The following CTNNA3 variants were observed in gnomAD, a reference collection of about 807,000 sequenced individuals.
The protein encoded by CTNNA3 is catenin alpha-3.
A neutral mutation model predicts 95.7 loss-of-function variants in CTNNA3; 76 were observed. The ratio of observed to expected loss-of-function variants is 0.79; its 90% CI spans 0.66 to 0.96. The LOEUF (loss-of-function observed/expected upper bound fraction) is 0.96. Ranked by LOEUF, CTNNA3 falls within the 40% of genes least tolerant of loss-of-function variation. The probability of loss-of-function intolerance (pLI) is 0.00; values close to 1 mark genes in which losing one functional copy is unlikely to be tolerated. For synonymous variants in CTNNA3, 431 were observed against 374.4 expected (o/e 1.15, Z -1.74); for missense variants, 1,191 against 1,089.8 (o/e 1.09, Z -1.31).
intron 7 of CTNNA3, among the ~76,000 whole-genome samples, chr10:66,974,683 C>G (rs559760820): frequency 6.6e-6 from 1 of 152,032 alleles, no homozygotes; most frequent in South Asian, 2.1e-4. Context: ...TAATATGTGA[C>G]TTTTTGTTTT....
chr10:67,180,671 T>C, intron 6 of CTNNA3, 151 bp from the exon 7 acceptor site: 1 of 629,316 alleles, frequency 1.6e-6, no homozygotes. Flanking sequence ...CATAATGCTA[T>C]GTAGTGATTA....
intron 3 of CTNNA3, among the ~76,000 whole-genome samples, chr10:67,569,722 TA>T (rs1157595627): frequency 1.3e-5 from 2 of 152,168 alleles, no homozygotes; most frequent in Non-Finnish European, 2.9e-5. Context: ...AAGAGTGCAT[TA>T]AGCTATTGCA....
chr10:67,009,809 C>T (rs757953507), intron 7 of CTNNA3, among the ~76,000 whole-genome samples: 7 of 152,274 alleles, frequency 4.6e-5, no homozygotes, highest in African/African-American at 7.2e-5. Flanking sequence ...CAGGTCACAC[C>T]TCTCCATCTG....
chr10:66,178,473 A>G (rs2085859678), intron 13 of CTNNA3, among the ~76,000 whole-genome samples: 1 of 26,110 alleles, frequency 3.8e-5, no homozygotes, highest in South Asian at 1.9e-3. Flanking sequence ...AGAGAGGTAC[A>G]TACACAGACA....
At chr10:67,002,039 G>C (rs1851718120) in intron 7 of CTNNA3, among the ~76,000 whole-genome samples, 3 of 152,244 alleles carry the variant, frequency 2.0e-5, no homozygotes, top group South Asian at 4.2e-4. Flanking sequence ...CCGTCTGGTT[G>C]ACTGACCATA....
intron 1 of CTNNA3, among the ~76,000 whole-genome samples, chr10:67,735,146 A>AC (rs1564843090): frequency 0.1 from 8,936 of 85,750 alleles, 359 homozygotes; most frequent in East Asian, 0.28. Context: ...CACACACACA[A>AC]ACACACACAC....
At position 67,275,002 on chromosome 10, in the gene CTNNA3, G is replaced by A. The variant is rs573419303; in HGVS notation, c.580-55132C>T. 2.6e-5 allele frequency among the ~76,000 whole-genome samples: 4 copies of A among 152,020 alleles called. No homozygotes were observed. The South Asian group carries it at 8.3e-4, about 32-fold the overall frequency. On this transcript the variant is annotated intron_variant, in intron 5 of 17. Coordinates refer to ENST00000433211, the MANE Select transcript of CTNNA3 (RefSeq NM_013266.4). ...TATTGACCACCCACTAAGCCAGAAA[G>A]CAAAGCAAATCTCAATTTGAAGAAT...
intron 7 of CTNNA3, among the ~76,000 whole-genome samples, chr10:66,796,787 A>T (rs1404677766): frequency 1.3e-5 from 2 of 152,080 alleles, no homozygotes; most frequent in Non-Finnish European, 2.9e-5. Flanking sequence ...ATATGAAATA[A>T]ACCTCAGCTG....
chr10:66,836,209 C>T (rs760383925), intron 7 of CTNNA3, among the ~76,000 whole-genome samples: 5 of 152,094 alleles, frequency 3.3e-5, no homozygotes, highest in Non-Finnish European at 7.4e-5. Context: ...TGTTTGCTAG[C>T]CAGCTCCAGT....
intron 13 of CTNNA3, among the ~76,000 whole-genome samples, chr10:66,229,990 T>C (rs941631004): frequency 6.6e-6 from 1 of 152,096 alleles, no homozygotes; most frequent in Non-Finnish European, 1.5e-5. Context: ...ATTTTTTTTC[T>C]GCTTAATTCA....
intron 7 of CTNNA3, among the ~76,000 whole-genome samples, chr10:67,152,739 GT>G (rs1861138702): frequency 6.6e-6 from 1 of 152,034 alleles, no homozygotes; most frequent in Non-Finnish European, 1.5e-5. Flanking sequence ...GCTTCTACTT[GT>G]TATACTTTGC....
At chr10:66,063,306 C>CTCTA (rs2080246788) in intron 15 of CTNNA3, among the ~76,000 whole-genome samples, 4 of 135,050 alleles carry the variant, frequency 3.0e-5, no homozygotes, top group African/African-American at 1.1e-4. Context: ...ATCTCTCTCT[C>CTCTA]TATATATATA....
chr10:67,021,720 A>C (rs1432098915), intron 7 of CTNNA3, among the ~76,000 whole-genome samples: 1 of 152,194 alleles, frequency 6.6e-6, no homozygotes, highest in Non-Finnish European at 1.5e-5. Flanking sequence ...ATACTAAAAA[A>C]TTTCCTCTTA....
intron 6 of CTNNA3, among the ~76,000 whole-genome samples, chr10:67,218,193 T>G (rs1296902631): frequency 6.6e-6 from 1 of 152,170 alleles, no homozygotes; most frequent in South Asian, 2.1e-4. Flanking sequence ...CTATCTACTC[T>G]AACAAATTTC....
chr10:67,705,050 G>C (rs1332604699), intron 1 of CTNNA3, among the ~76,000 whole-genome samples: 6 of 152,180 alleles, frequency 3.9e-5, no homozygotes, highest in East Asian at 1.9e-4. Context: ...CTGGCCATCA[G>C]AGAAATGCAA....
chr10:67,667,833 A>G (rs911795246), intron 1 of CTNNA3, among the ~76,000 whole-genome samples: 1 of 152,116 alleles, frequency 6.6e-6, no homozygotes, highest in Non-Finnish European at 1.5e-5. Context: ...TATATCTTCA[A>G]TTTTCTAAAC....
chr10:67,326,406 TG>T (rs533686836), intron 5 of CTNNA3, among the ~76,000 whole-genome samples: 103 of 151,934 alleles, frequency 6.8e-4, no homozygotes, highest in African/African-American at 2.2e-3. Flanking sequence ...TAAGAGTTCT[TG>T]TAAAGTAGTT....
At chr10:66,180,113 G>T (rs565175911) in intron 13 of CTNNA3, among the ~76,000 whole-genome samples, 1 of 152,238 alleles carries the variant, frequency 6.6e-6, no homozygotes, top group East Asian at 1.9e-4. Flanking sequence ...GCAGCATCAG[G>T]AATCATTTCA....
Position 66,621,796 on chromosome 10 carries a change from T to A in CTNNA3, c.1282-12A>T, listed in dbSNP as rs774221119. 3 of 1,544,042 alleles carry A rather than the reference T, an allele frequency of 1.9e-6. No individual in the cohort carries two copies. The highest frequency in any genetic ancestry group is 2.7e-6 in the Non-Finnish European group (3 of 1,127,718). On this transcript the variant is annotated splice_polypyrimidine_tract_variant and intron_variant, in intron 9 of 17. Coordinates refer to ENST00000433211, the MANE Select transcript of CTNNA3 (RefSeq NM_013266.4). ...GCAAGATTTGCCACCTTAAATACAATCCAAAATAATGGAAATTATTTTAGA... is the reference window on the plus strand; with the variant it reads ...GCAAGATTTGCCACCTTAAATACAAACCAAAATAATGGAAATTATTTTAGA...
Sources: allele counts gnomAD v4.1 joint callset (sites outside exome capture counted in the v4.1 genomes callset), GRCh38; gene constraint gnomAD v4.1.1; transcripts MANE v1.5; gene names NCBI Gene and HGNC (gene_info 2026-07-23, HGNC 2026-07-21).